The following CHST3 variants were observed in gnomAD, a reference collection of about 807,000 sequenced individuals.
CHST3 encodes the protein C6ST-1.
In CHST3, 20 loss-of-function variants were observed where a neutral mutation model predicts 35.4. The observed-to-expected ratio is 0.57, with a 90% CI of 0.40 to 0.82. The LOEUF (loss-of-function observed/expected upper bound fraction) is 0.82. CHST3 is among the 40% of genes least tolerant of loss of function. CHST3 has a pLI of 0.00. For synonymous variants in CHST3, 334 were observed against 295.9 expected (o/e 1.13, Z -1.32); for missense variants, 693 against 670.1 (o/e 1.03, Z -0.38).
rs1027207681 is a variant in CHST3, at chr10:72,007,294, C to G, written c.263C>G (p.Ser88Cys). 1 of 1,613,770 alleles carries G rather than the reference C, an allele frequency of 6.2e-7. No homozygotes were observed. Among genetic ancestry groups the G allele is most frequent in the African/African-American group, 1.3e-5 (1 of 74,946 alleles). ...LSLSELDSAF[S>C]QLQSRLRNLS... ...CTGAGCGAGCTCGATTCAGCCTTCTCCCAGCTTCAGAGCCGTCTCCGCAAC... is the reference window on the plus strand; with the variant it reads ...CTGAGCGAGCTCGATTCAGCCTTCTGCCAGCTTCAGAGCCGTCTCCGCAAC... Residue 88 changes from serine (S) to cysteine (C), a missense_variant, in exon 3 of 3, where the codon TCC becomes TGC. Transcript: ENST00000373115.
At position 72,009,099 on chromosome 10, in the gene CHST3, A is replaced by G. The variant is rs1840080846; in HGVS notation, c.*628A>G. On this transcript the variant is annotated 3_prime_UTR_variant, in exon 3 of 3. Coordinates refer to ENST00000373115, the MANE Select transcript of CHST3 (RefSeq NM_004273.5). Reference sequence around the variant, plus strand: ...AGCTGCAAAACACACACATGCGTATAGACATACATACATGTACACCATACA... The same window carrying G: ...AGCTGCAAAACACACACATGCGTATGGACATACATACATGTACACCATACA... 1 of 152,556 alleles carries G rather than the reference A, an allele frequency of 6.6e-6. No individual in the cohort carries two copies. Among genetic ancestry groups the G allele is most frequent in the African/African-American group, 2.4e-5 (1 of 41,452 alleles). The allele number at this position is 152,556 out of a possible 1,614,324, so 9.5% of individuals were successfully genotyped here.
intron 1 of CHST3, among the ~76,000 whole-genome samples, chr10:71,974,640 C>A (rs1419183946): frequency 2.0e-5 from 3 of 152,166 alleles, no homozygotes; most frequent in Non-Finnish European, 4.4e-5. Context: ...TAGCCCAGGG[C>A]AAACCATTGA....
At chr10:71,972,822 T>G (rs55747057) in intron 1 of CHST3, among the ~76,000 whole-genome samples, 18,006 of 152,218 alleles carry the variant, frequency 0.12, 1,042 homozygotes, top group Admixed American at 0.16. Context: ...CCTTTTCCCC[T>G]TGGCTTGGAT....
intron 1 of CHST3, among the ~76,000 whole-genome samples, chr10:72,002,407 C>A (rs919438754): frequency 5.6e-4 from 85 of 152,256 alleles, no homozygotes; most frequent in African/African-American, 2.0e-3. Context: ...AAGGGGGTAG[C>A]CAGGGCAGCT....
intron 1 of CHST3, among the ~76,000 whole-genome samples, chr10:71,970,078 C>T (rs541682788): frequency 2.0e-5 from 3 of 152,354 alleles, no homozygotes; most frequent in South Asian, 2.1e-4. Flanking sequence ...CAGGCCTGGA[C>T]GGTTTGTTCT....
intron 1 of CHST3, among the ~76,000 whole-genome samples, chr10:71,990,230 G>A (rs1839884794): frequency 6.6e-6 from 1 of 152,202 alleles, no homozygotes; most frequent in African/African-American, 2.4e-5. Context: ...TGGTTCTGGA[G>A]GCTGGGAAGT....
chr10:72,009,477 TC>T lies in CHST3; in HGVS notation c.*1009del. ...AAAGGCCCCGTCTAGCTTGGCTGGC[TC>T]CCGAACATGTCCATATTTGAAGGCT... On this transcript the variant is annotated 3_prime_UTR_variant, in exon 3 of 3. Coordinates refer to ENST00000373115, the MANE Select transcript of CHST3 (RefSeq NM_004273.5). 6.6e-6 allele frequency: 1 copy of T among 152,296 alleles called. No homozygotes were observed. Among genetic ancestry groups the T allele is most frequent in the East Asian group, 1.9e-4 (1 of 5,178 alleles). 9.4% of individuals were successfully genotyped at this position (152,296 alleles called of 1,614,324 possible). A position where few individuals can be genotyped will look rare whatever the true frequency, so the allele number is the denominator to read the frequency against.
chr10:71,968,051 C>T (rs762833048), intron 1 of CHST3, among the ~76,000 whole-genome samples: 1 of 150,152 alleles, frequency 6.7e-6, no homozygotes. Flanking sequence ...CTCCTGACCT[C>T]GTGATCTGCT....
chr10:71,991,833 C>T (rs1839899351), intron 1 of CHST3, among the ~76,000 whole-genome samples: 1 of 151,994 alleles, frequency 6.6e-6, no homozygotes, highest in Non-Finnish European at 1.5e-5. Flanking sequence ...ACTCGGGAGG[C>T]TGAGGCAGGA....
Position 72,008,013 on chromosome 10 carries a change from G to A in CHST3, c.982G>A (p.Glu328Lys), listed in dbSNP as rs1440385801. Residue 328 changes from glutamate to lysine, a missense_variant, in exon 3 of 3, where the codon GAG (glutamate) becomes AAG (lysine). By Grantham distance (56) the Glu-to-Lys change is moderately conservative. Coordinates refer to ENST00000373115, the MANE Select transcript of CHST3 (RefSeq NM_004273.5). ...GACCTGGAAGAAGTGGCTGGACGAC[G>A]AGGGCCAGGACGGCCTGAGGGAAGA... ...YKTWKKWLDDEGQDGLREEEV... is the reference protein window; with the variant it reads ...YKTWKKWLDDKGQDGLREEEV... 2.6e-6 allele frequency: 4 copies of A among 1,549,444 alleles called. No individual in the cohort carries two copies. Among genetic ancestry groups the A allele is most frequent in the Admixed American group, 3.9e-5 (2 of 50,962 alleles).
At chr10:71,998,600 C>T (rs971938763) in intron 1 of CHST3, among the ~76,000 whole-genome samples, 2 of 152,246 alleles carry the variant, frequency 1.3e-5, no homozygotes, top group Non-Finnish European at 2.9e-5. Flanking sequence ...CATAAAGGGC[C>T]GAGGGGCAGC....
intron 1 of CHST3, among the ~76,000 whole-genome samples, chr10:71,974,052 T>TGGTA (rs1040116264): frequency 6.6e-6 from 1 of 152,212 alleles, no homozygotes; most frequent in Non-Finnish European, 1.5e-5. Context: ...TTCTCACTAC[T>TGGTA]GGTACCCCCC....
At chr10:71,991,669 G>A (rs917867378) in intron 1 of CHST3, among the ~76,000 whole-genome samples, 3 of 152,022 alleles carry the variant, frequency 2.0e-5, no homozygotes, top group South Asian at 2.1e-4. Flanking sequence ...GCAGTGGCTC[G>A]CACCTGTAAT....
chr10:71,995,012 T>C (rs916750167), intron 1 of CHST3, among the ~76,000 whole-genome samples: 1 of 152,220 alleles, frequency 6.6e-6, no homozygotes, highest in Admixed American at 6.5e-5. Context: ...CTTAAGGGAA[T>C]GTTGTGGTTG....
intron 1 of CHST3, among the ~76,000 whole-genome samples, chr10:71,999,016 G>A (rs921146447): frequency 4.6e-5 from 7 of 152,114 alleles, no homozygotes; most frequent in East Asian, 3.9e-4. Context: ...TGGGCTGGGC[G>A]TTTACTCTCC....
chr10:71,989,827 G>C (rs1839881000), intron 1 of CHST3, among the ~76,000 whole-genome samples: 2 of 152,198 alleles, frequency 1.3e-5, no homozygotes, highest in African/African-American at 4.8e-5. Flanking sequence ...TTTGTAGGCA[G>C]TTGGTAGCAT....
chr10:72,000,541 C>T (rs936658554), intron 1 of CHST3, among the ~76,000 whole-genome samples: 4 of 146,502 alleles, frequency 2.7e-5, no homozygotes, highest in African/African-American at 4.9e-5. Context: ...AGATCTGGCC[C>T]GGGCAGAGGT....
intron 1 of CHST3, among the ~76,000 whole-genome samples, chr10:71,977,094 G>A (rs1302739778): frequency 6.6e-6 from 1 of 152,092 alleles, no homozygotes; most frequent in Non-Finnish European, 1.5e-5. Context: ...AAATAGCATC[G>A]GGCCCCCTGC....
At chr10:71,964,777 G>GGC (rs1328892203) in intron 1 of CHST3, 83 bp downstream of exon 1, 1 of 152,242 alleles carries the variant, frequency 6.6e-6, no homozygotes. Flanking sequence ...TCCGCGTCCA[G>GGC]GCGCGCGCGC....
Sources: gnomAD v4.1 joint callset for allele counts (sites outside exome capture counted in the v4.1 genomes callset) on GRCh38, gnomAD v4.1.1 for gene constraint, MANE v1.5 for transcripts, NCBI Gene and HGNC (gene_info 2026-07-23, HGNC 2026-07-21) for gene names.